The following HSD17B7 variants were observed in gnomAD, a reference collection of about 807,000 sequenced individuals.
HSD17B7 encodes 3-keto-steroid reductase/17-beta-hydroxysteroid dehydrogenase 7.
HSD17B7 carries 17 observed loss-of-function variants against 34.1 expected under a neutral mutation model. The observed-to-expected ratio is 0.50, with a 90% CI of 0.34 to 0.75. The LOEUF is 0.75. HSD17B7 is among the 30% of genes least tolerant of loss of function. HSD17B7 has a pLI of 0.01. For missense variants in HSD17B7, 296 were observed against 406.6 expected, an observed-to-expected ratio of 0.73 and a Z score of 2.34; for synonymous variants, 122 against 154.6, an observed-to-expected ratio of 0.79 and a Z score of 1.56.
At chr1:162,796,755 TG>T in intron 3 of HSD17B7, 78 bp downstream of exon 3, 1 of 891,532 alleles carries the variant, frequency 1.1e-6, no homozygotes. Context: ...CATGTTAAGT[TG>T]GGGGGATGAA....
At chr1:162,800,155 CAG>C (rs1648758795) in intron 5 of HSD17B7, 1 of 686,052 alleles carries the variant, frequency 1.5e-6, no homozygotes, top group Non-Finnish European at 2.7e-6. Context: ...CTTATGTTAA[CAG>C]AGTGACACTA....
At position 162,805,394 on chromosome 1, in the gene HSD17B7, G is replaced by A; in HGVS notation, c.805G>A (p.Val269Ile). 1 of 1,612,600 alleles carries A rather than the reference G, an allele frequency of 6.2e-7. No individual in the cohort carries two copies. The highest frequency in any genetic ancestry group is 8.5e-7 in the Non-Finnish European group (1 of 1,179,124). The change falls in exon 8 of 9, where the codon GTA becomes ATA. Residue 269 changes from valine (V) to isoleucine (I), a missense_variant and splice_region_variant. Physicochemically the swap from Val to Ile is conservative, Grantham distance 29. Coordinates refer to ENST00000254521, the MANE Select transcript of HSD17B7 (RefSeq NM_016371.4). Reference protein sequence around the residue: ...LTPYNGTEALVWLFHQKPESL... With the variant: ...LTPYNGTEALIWLFHQKPESL... ...TCATTGACACATCCTTCCTTTCCAG[G>A]TATGGCTTTTCCACCAAAAGCCTGA... is the stretch of plus-strand genomic sequence containing the variant.
rs1308150553 is a variant in HSD17B7 at position 162,796,516 on chromosome 1, T to C, written c.240-69T>C. 8.4e-6 allele frequency: 8 copies of C among 954,336 alleles called. No individual in the cohort carries two copies. In the East Asian group the frequency reaches 1.7e-4, roughly 20 times the overall value. The allele number at this position is 954,336 out of a possible 1,614,324, so 59.1% of individuals were successfully genotyped here. ...TCCTTGATTCTAGTCACTCTAGAGA[T>C]AGAATACACAATCTTGTCCTGATGT... On this transcript the variant is annotated intron_variant, in intron 2 of 8. Transcript: ENST00000254521.
At chr1:162,809,856 T>C (rs1649116507) in intron 8 of HSD17B7, among the ~76,000 whole-genome samples, 1 of 152,204 alleles carries the variant, frequency 6.6e-6, no homozygotes, top group Admixed American at 6.5e-5. Flanking sequence ...TTTATTAGTC[T>C]TGCTAGCAGT....
intron 5 of HSD17B7, 133 bp from the exon 6 acceptor site, chr1:162,803,298 C>T (rs927326257): frequency 4.5e-6 from 5 of 1,106,282 alleles, no homozygotes; most frequent in Non-Finnish European, 6.2e-6. Flanking sequence ...ACTTCAGAGA[C>T]AACTCAGAAC....
Position 162,799,753 on chromosome 1 carries a change from T to C in HSD17B7, c.458T>C (p.Leu153Pro). 6.2e-7 allele frequency: 1 copy of C among 1,613,056 alleles called. No individual in the cohort carries two copies. Among genetic ancestry groups the C allele is most frequent in the Non-Finnish European group, 8.5e-7 (1 of 1,179,288 alleles). ...TTTTCTTTCACCCAGATTCGGGAACTGGAGCCTCTCCTCTGTCACAGTGAC... is the reference window on the plus strand; with the variant it reads ...TTTTCTTTCACCCAGATTCGGGAACCGGAGCCTCTCCTCTGTCACAGTGAC... ...VFGHFILIRE[L>P]EPLLCHSDNP... Residue 153 changes from leucine to proline, a missense_variant, in exon 5 of 9, where the codon CTG becomes CCG. Leu to Pro is a moderately conservative substitution (Grantham distance 98). Transcript: ENST00000254521.
At chr1:162,802,673 CAAAAT>C in intron 5 of HSD17B7, among the ~76,000 whole-genome samples, 1 of 151,998 alleles carries the variant, frequency 6.6e-6, no homozygotes, top group African/African-American at 2.4e-5. Flanking sequence ...TAGTCAATAT[CAAAAT>C]AAAGTAAAAT....
intron 8 of HSD17B7, among the ~76,000 whole-genome samples, chr1:162,810,912 T>C (rs1199421293): frequency 6.6e-6 from 1 of 152,190 alleles, no homozygotes; most frequent in African/African-American, 2.4e-5. Flanking sequence ...AATTTGCCAG[T>C]CTGTGTCTTT....
At position 162,812,698 on chromosome 1, in the gene HSD17B7, A is replaced by G. The variant is rs1649204675; in HGVS notation, c.*278A>G. The G allele has an allele frequency of 1.1e-5, 2 of 190,222 alleles. No homozygotes were observed. The highest frequency in any genetic ancestry group is 2.4e-5 in the African/African-American group (1 of 42,534). 11.8% of individuals were successfully genotyped at this position (190,222 alleles called of 1,614,324 possible). On this transcript the variant is annotated 3_prime_UTR_variant, in exon 9 of 9. Coordinates refer to ENST00000254521, the MANE Select transcript of HSD17B7 (RefSeq NM_016371.4). ...CTCAAAATATGTATATATTTAATAT[A>G]TATATAAAACCAGAGCTGACAATGA...
rs764029991 is a variant in HSD17B7, at chr1:162,799,887, T to C, written c.592T>C (p.Tyr198His). 1 of 1,614,062 alleles carries C rather than the reference T, an allele frequency of 6.2e-7. No individual in the cohort carries two copies. The highest frequency in any genetic ancestry group is 2.2e-5 in the East Asian group (1 of 44,880). Reference sequence around the variant, plus strand: ...CAAGGAACCCTACAGCTCTTCCAAATATGCCACTGACCTTTTGAGTGTGGC... The same window carrying C: ...CAAGGAACCCTACAGCTCTTCCAAACATGCCACTGACCTTTTGAGTGTGGC... ...KGKEPYSSSK[Y>H]ATDLLSVALN... Residue 198 changes from tyrosine (Y) to histidine (H), a missense_variant, in exon 5 of 9, where the codon TAT becomes CAT. Coordinates refer to ENST00000254521, the MANE Select transcript of HSD17B7 (RefSeq NM_016371.4).
At chr1:162,794,477 A>C (rs1007215657) in intron 2 of HSD17B7, among the ~76,000 whole-genome samples, 5 of 152,158 alleles carry the variant, frequency 3.3e-5, no homozygotes, top group South Asian at 2.1e-4. Context: ...AGAAAAAAAA[A>C]CAAAAAACCT....
chr1:162,805,839 T>C (rs1648964525), intron 8 of HSD17B7, among the ~76,000 whole-genome samples: 1 of 152,182 alleles, frequency 6.6e-6, no homozygotes, highest in African/African-American at 2.4e-5. Flanking sequence ...CACCTTCGGG[T>C]TCCCCTGTCA....
Position 162,803,422 on chromosome 1 carries a change from T to G in HSD17B7, c.643-9T>G, listed in dbSNP as rs1203617366. 1 of 1,611,684 alleles carries G rather than the reference T, an allele frequency of 6.2e-7. No homozygotes were observed. The highest frequency in any genetic ancestry group is 1.1e-5 in the South Asian group (1 of 90,906). On this transcript the variant is annotated splice_polypyrimidine_tract_variant and intron_variant, in intron 5 of 8. Coordinates refer to ENST00000254521, the MANE Select transcript of HSD17B7 (RefSeq NM_016371.4). ...TTAAAGTCTCATTGCTACACCTCTCTGTTCCTAGGGTCTCTATTCCAATGT... is the reference window on the plus strand; with the variant it reads ...TTAAAGTCTCATTGCTACACCTCTCGGTTCCTAGGGTCTCTATTCCAATGT...
chr1:162,801,499 T>G (rs1648813171), intron 5 of HSD17B7, among the ~76,000 whole-genome samples: 1 of 152,222 alleles, frequency 6.6e-6, no homozygotes, highest in Admixed American at 6.5e-5. Flanking sequence ...AATGTGAGTT[T>G]GTGTGTGCAT....
At chr1:162,807,210 G>T (rs1039431681) in intron 8 of HSD17B7, among the ~76,000 whole-genome samples, 3 of 152,164 alleles carry the variant, frequency 2.0e-5, no homozygotes, top group Non-Finnish European at 4.4e-5. Flanking sequence ...ACCTATGAGT[G>T]AGAACATGCG....
intron 8 of HSD17B7, among the ~76,000 whole-genome samples, chr1:162,808,176 T>G (rs918164563): frequency 1.3e-5 from 2 of 152,232 alleles, no homozygotes; most frequent in African/African-American, 2.4e-5. Flanking sequence ...AGTTTCAGCT[T>G]TCTACATATG....
rs749888119 is a variant in HSD17B7 at position 162,792,850 on chromosome 1, A to G, written c.227A>G (p.Glu76Gly). Residue 76 changes from glutamate to glycine, a missense_variant, in exon 2 of 9, where the codon GAA becomes GGA. Transcript: ENST00000254521. The part of the protein sequence containing the change: ...NLQSVFRASK[E>G]LKQRFQRLDC... ...CAGTCGGTCTTCCGGGCCTCCAAGG[A>G]ACTTAAGCAAAGGTATATCTCTTGC... 1 of 1,614,148 alleles carries G rather than the reference A, an allele frequency of 6.2e-7. No homozygotes were observed. Among genetic ancestry groups the G allele is most frequent in the South Asian group, 1.1e-5 (1 of 91,074 alleles).
At chr1:162,800,298 A>G (rs1571003174) in intron 5 of HSD17B7, 3 of 465,894 alleles carry the variant, frequency 6.4e-6, no homozygotes, top group South Asian at 4.7e-5. Flanking sequence ...AGATGAGGAC[A>G]CTAAATCTCG....
chr1:162,801,589 A>G (rs1339793740), intron 5 of HSD17B7, among the ~76,000 whole-genome samples: 4 of 152,172 alleles, frequency 2.6e-5, no homozygotes, highest in Non-Finnish European at 5.9e-5. Flanking sequence ...TAGCATGTTC[A>G]TATGTACATG....
Sources: gnomAD v4.1 joint callset for allele counts (sites outside exome capture counted in the v4.1 genomes callset) on GRCh38, gnomAD v4.1.1 for gene constraint, MANE v1.5 for transcripts, NCBI Gene and HGNC (gene_info 2026-07-23, HGNC 2026-07-21) for gene names.